Variants in SSBP2 observed in about 807,000 individuals in gnomAD.
SSBP2 encodes the protein single-stranded DNA-binding protein 2.
In SSBP2, 17 loss-of-function variants were observed where a neutral mutation model predicts 61.8. The observed-to-expected ratio is 0.28, with a 90% CI of 0.19 to 0.41. The LOEUF is 0.41. SSBP2 is among the 10% of genes least tolerant of loss of function. SSBP2 has a pLI of 1.00. For missense variants in SSBP2, 310 were observed against 458.7 expected, an observed-to-expected ratio of 0.68 and a Z score of 2.96; for synonymous variants, 139 against 141.3, an observed-to-expected ratio of 0.98 and a Z score of 0.12.
chr5:81,587,761 G>GCACAAACA lies in SSBP2; in HGVS notation c.282+27711_282+27712insTGTTTGTG, dbSNP rs749896266. Reference sequence around the variant, plus strand: ...TACACACACACGCACACACACGCGCGCGCACACACACACACACACACACTA... The same window carrying GCACAAACA: ...TACACACACACGCACACACACGCGCGCACAAACACGCACACACACACACACACACACTA... On this transcript the variant is annotated intron_variant, in intron 4 of 16. Transcript: ENST00000320672. Among the ~76,000 whole-genome samples the GCACAAACA allele has an allele frequency of 2.3e-5, 3 of 129,364 alleles. No individual in the cohort carries two copies. In the South Asian group the frequency reaches 8.2e-4, roughly 35 times the overall value. The allele number at this position is 129,364 out of a possible 152,430, so 84.9% of individuals were successfully genotyped here. A position where few individuals can be genotyped will look rare whatever the true frequency, so the allele number is the denominator to read the frequency against.
At chr5:81,420,566 C>T (rs1561374388) in intron 16 of SSBP2, 33 bp from the exon 17 acceptor site, 1 of 1,592,854 alleles carries the variant, frequency 6.3e-7, no homozygotes, top group East Asian at 2.2e-5. Flanking sequence ...ATTTTAACAA[C>T]AATTCTTTTA....
At chr5:81,731,452 T>TA (rs1314934621) in intron 1 of SSBP2, among the ~76,000 whole-genome samples, 5 of 152,170 alleles carry the variant, frequency 3.3e-5, no homozygotes, top group Admixed American at 6.5e-5. Context: ...TATCTTTACT[T>TA]ATGCCAAGTA....
chr5:81,580,823 G>A (rs1369287204), intron 4 of SSBP2, among the ~76,000 whole-genome samples: 2 of 151,766 alleles, frequency 1.3e-5, no homozygotes, highest in Non-Finnish European at 2.9e-5. Flanking sequence ...ACCAAATGCT[G>A]ATTTCAAAGT....
chr5:81,674,538 C>T (rs1751815460), intron 1 of SSBP2, among the ~76,000 whole-genome samples: 1 of 152,084 alleles, frequency 6.6e-6, no homozygotes, highest in African/African-American at 2.4e-5. Flanking sequence ...AATCATTAAA[C>T]AGTAAGAGGT....
At chr5:81,730,376 T>C (rs1756179746) in intron 1 of SSBP2, among the ~76,000 whole-genome samples, 1 of 152,062 alleles carries the variant, frequency 6.6e-6, no homozygotes, top group South Asian at 2.1e-4. Flanking sequence ...AGGCGCCCGC[T>C]ACCACGCCTG....
intron 6 of SSBP2, among the ~76,000 whole-genome samples, chr5:81,488,032 T>TA (rs1766531270): frequency 6.3e-5 from 1 of 15,926 alleles, no homozygotes; most frequent in Admixed American, 5.6e-4. Context: ...TATATATATA[T>TA]ATATATATAT....
chr5:81,424,123 A>G (rs1481066831), intron 16 of SSBP2, among the ~76,000 whole-genome samples: 3 of 152,058 alleles, frequency 2.0e-5, no homozygotes, highest in Admixed American at 6.6e-5. Context: ...AATACAAAAC[A>G]ACTCAGAAAA....
At chr5:81,468,454 A>G (rs1765036123) in intron 8 of SSBP2, among the ~76,000 whole-genome samples, 1 of 151,888 alleles carries the variant, frequency 6.6e-6, no homozygotes, top group South Asian at 2.1e-4. Context: ...GATGACCCAC[A>G]CTACCTGTCA....
intron 1 of SSBP2, among the ~76,000 whole-genome samples, chr5:81,689,501 T>C (rs946738390): frequency 7.3e-5 from 11 of 150,792 alleles, no homozygotes; most frequent in Admixed American, 6.6e-4. Flanking sequence ...ACAATAAAGC[T>C]CTAATACATC....
At chr5:81,595,644 T>C (rs1581125566) in intron 4 of SSBP2, among the ~76,000 whole-genome samples, 2 of 152,186 alleles carry the variant, frequency 1.3e-5, no homozygotes, top group South Asian at 2.1e-4. Flanking sequence ...TTATCCACTA[T>C]GATCAAGTGG....
intron 4 of SSBP2, among the ~76,000 whole-genome samples, chr5:81,591,469 A>G (rs1231029740): frequency 6.6e-6 from 1 of 152,252 alleles, no homozygotes; most frequent in Non-Finnish European, 1.5e-5. Flanking sequence ...CTGATACAAC[A>G]AAGTTATTGG....
intron 1 of SSBP2, among the ~76,000 whole-genome samples, chr5:81,746,627 T>C (rs150746202): frequency 1.5e-3 from 234 of 152,314 alleles, no homozygotes; most frequent in African/African-American, 5.2e-3. Context: ...TTCATTATAC[T>C]GTAACTACTT....
chr5:81,448,877 A>G, intron 10 of SSBP2, 52 bp from the exon 11 acceptor site: 1 of 1,321,612 alleles, frequency 7.6e-7, no homozygotes, highest in South Asian at 1.2e-5. Context: ...CAATATGGAC[A>G]CTGACCTAAA....
At chr5:81,586,522 A>G (rs899669637) in intron 4 of SSBP2, among the ~76,000 whole-genome samples, 3 of 151,988 alleles carry the variant, frequency 2.0e-5, no homozygotes, top group African/African-American at 7.2e-5. Flanking sequence ...AGCTTATTAC[A>G]TATGTCATAA....
intron 4 of SSBP2, among the ~76,000 whole-genome samples, chr5:81,577,739 T>G (rs1159617125): frequency 2.0e-5 from 3 of 151,940 alleles, no homozygotes; most frequent in Non-Finnish European, 4.4e-5. Context: ...AAAAAAAGTA[T>G]AGTAACCCTA....
At chr5:81,655,660 AG>A (rs1377988535) in intron 1 of SSBP2, among the ~76,000 whole-genome samples, 1 of 152,228 alleles carries the variant, frequency 6.6e-6, no homozygotes, top group African/African-American at 2.4e-5. Context: ...GAACAGAGGT[AG>A]AGATTAAGAT....
intron 4 of SSBP2, among the ~76,000 whole-genome samples, chr5:81,537,125 T>C (rs1026814677): frequency 6.6e-6 from 1 of 152,126 alleles, no homozygotes; most frequent in African/African-American, 2.4e-5. Context: ...AAGTGAGGGA[T>C]TGTGATTAAT....
intron 1 of SSBP2, among the ~76,000 whole-genome samples, chr5:81,683,022 G>C (rs951180076): frequency 1.2e-4 from 18 of 149,712 alleles, no homozygotes; most frequent in African/African-American, 4.1e-4. Flanking sequence ...AAAGAAATAA[G>C]TAAATGAGAG....
intron 5 of SSBP2, among the ~76,000 whole-genome samples, chr5:81,494,282 CTTTAT>C (rs1384969270): frequency 2.6e-5 from 4 of 152,136 alleles, no homozygotes; most frequent in Non-Finnish European, 5.9e-5. Context: ...AGCTTATTTA[CTTTAT>C]AAGAGAAACT....
Sources: allele counts gnomAD v4.1 joint callset (sites outside exome capture counted in the v4.1 genomes callset), GRCh38; gene constraint gnomAD v4.1.1; transcripts MANE v1.5; gene names NCBI Gene and HGNC (gene_info 2026-07-23, HGNC 2026-07-21).